The following SAMD3 variants were observed in gnomAD, a reference collection of about 807,000 sequenced individuals.
SAMD3 encodes sterile alpha motif domain containing 3, also known as sterile alpha motif domain-containing protein 3.
Under a neutral mutation model 58.5 loss-of-function variants are expected in SAMD3, and 63 were observed. The observed-to-expected ratio is 1.08, with a 90% CI of 0.88 to 1.33. SAMD3 has a LOEUF of 1.33. Among genes scored for constraint, SAMD3 ranks in the 40% most tolerant of loss-of-function variants. SAMD3 has a pLI of 0.00. For synonymous variants in SAMD3, 220 were observed against 210.3 expected (o/e 1.05, Z -0.40); for missense variants, 604 against 608.4 (o/e 0.99, Z 0.08).
chr6:130,148,077 A>G (rs1219121384), intron 9 of SAMD3, among the ~76,000 whole-genome samples: 2 of 152,178 alleles, frequency 1.3e-5, no homozygotes, highest in African/African-American at 2.4e-5. Context: ...GTTTATGTCA[A>G]TATCTTGTTC....
At chr6:130,241,685 C>T (rs982090540) in intron 2 of SAMD3, among the ~76,000 whole-genome samples, 5 of 151,862 alleles carry the variant, frequency 3.3e-5, no homozygotes, top group African/African-American at 7.3e-5. Context: ...CTAATATGAA[C>T]ACAACTTTGA....
At chr6:130,238,817 G>C (rs1243648139) in intron 2 of SAMD3, among the ~76,000 whole-genome samples, 3 of 152,152 alleles carry the variant, frequency 2.0e-5, no homozygotes, top group Non-Finnish European at 4.4e-5. Flanking sequence ...GGAGTGTAGT[G>C]GTGCAATCTC....
chr6:130,179,810 CTTTT>C (rs71028199), intron 7 of SAMD3, among the ~76,000 whole-genome samples: 1,597 of 116,212 alleles, frequency 0.014, 34 homozygotes, highest in African/African-American at 0.05. Context: ...TGTCCTTATT[CTTTT>C]TTTTTTTTTT....
chr6:130,230,076 C>G (rs902738710), intron 2 of SAMD3, among the ~76,000 whole-genome samples: 3 of 152,136 alleles, frequency 2.0e-5, no homozygotes, highest in Non-Finnish European at 4.4e-5. Flanking sequence ...ATTTGTGGTG[C>G]AGAACAGGTC....
At chr6:130,259,817 A>C (rs1032357740) in intron 2 of SAMD3, among the ~76,000 whole-genome samples, 5 of 152,226 alleles carry the variant, frequency 3.3e-5, no homozygotes, top group Non-Finnish European at 7.3e-5. Context: ...ACATCTCACA[A>C]AACTTTAGTA....
At chr6:130,355,276 T>C (rs545572848) in intron 1 of SAMD3, among the ~76,000 whole-genome samples, 16 of 151,940 alleles carry the variant, frequency 1.1e-4, no homozygotes, top group Non-Finnish European at 2.2e-4. Context: ...ATACAACAAT[T>C]AGCCGAGCAT....
At chr6:130,318,478 G>A (rs945224977) in intron 1 of SAMD3, among the ~76,000 whole-genome samples, 16 of 152,066 alleles carry the variant, frequency 1.1e-4, no homozygotes, top group African/African-American at 3.1e-4. Context: ...GCCCAGGCTG[G>A]TGTGCAGTGG....
At chr6:130,344,149 C>A (rs982808530) in intron 1 of SAMD3, among the ~76,000 whole-genome samples, 1 of 152,150 alleles carries the variant, frequency 6.6e-6, no homozygotes, top group Non-Finnish European at 1.5e-5. Flanking sequence ...ACGTTCACTG[C>A]AGAAAATTTG....
upstream of SAMD3, among the ~76,000 whole-genome samples, chr6:130,226,815 C>A (rs900230804): frequency 2.0e-5 from 3 of 151,090 alleles, no homozygotes; most frequent in African/African-American, 7.3e-5. Context: ...GCGATAAGAG[C>A]GAAACTCTGT....
intron 1 of SAMD3, among the ~76,000 whole-genome samples, chr6:130,362,334 T>C (rs1778012394): frequency 6.6e-6 from 1 of 152,252 alleles, no homozygotes; most frequent in Non-Finnish European, 1.5e-5. Context: ...TCTCGGACTA[T>C]GCTTTTGAGT....
intron 2 of SAMD3, among the ~76,000 whole-genome samples, chr6:130,276,197 A>G (rs1200986033): frequency 6.6e-6 from 1 of 152,156 alleles, no homozygotes; most frequent in African/African-American, 2.4e-5. Context: ...AAAGTAAGGA[A>G]ACAGATTCTC....
chr6:130,319,534 T>A (rs1289286982), intron 1 of SAMD3, among the ~76,000 whole-genome samples: 1 of 152,158 alleles, frequency 6.6e-6, no homozygotes, highest in East Asian at 1.9e-4. Flanking sequence ...CAGCCTGTAA[T>A]TTTTTATCCA....
At chr6:130,254,660 T>TA (rs1773866195) in intron 2 of SAMD3, among the ~76,000 whole-genome samples, 1 of 151,582 alleles carries the variant, frequency 6.6e-6, no homozygotes, top group Admixed American at 6.6e-5. Flanking sequence ...GCCTGATTTT[T>TA]CCTCCTTATA....
At position 130,228,229 on chromosome 6, in the gene SAMD3, C is replaced by T. The variant is rs6569669; in HGVS notation, c.-187-5416G>A. On this transcript the variant is annotated intron_variant, in intron 2 of 13. Transcript: ENST00000368134. Reference sequence around the variant, plus strand: ...CTCCAGCATCTCAGCACAGTGGTGACCTCCAGTCTGTTGACAGGTTGTGAG... The same window carrying T: ...CTCCAGCATCTCAGCACAGTGGTGATCTCCAGTCTGTTGACAGGTTGTGAG... Among the ~76,000 whole-genome samples, 1,523 of 152,154 alleles carry T rather than the reference C, an allele frequency of 0.01. 115 individuals carry two copies. In the East Asian group the frequency reaches 0.16, roughly 16 times the overall value.
chr6:130,228,188 A>T (rs1218575289), intron 2 of SAMD3, among the ~76,000 whole-genome samples: 1 of 152,218 alleles, frequency 6.6e-6, no homozygotes, highest in African/African-American at 2.4e-5. Flanking sequence ...TGGATATCTT[A>T]ACAAAGAGTT....
In SAMD3 at chr6:130,243,793, A is replaced by G. The variant is rs373815060; in HGVS notation, c.-187-20980T>C. Among the ~76,000 whole-genome samples the G allele has an allele frequency of 2.3e-4, 35 of 152,318 alleles. 1 individual carries two copies. The South Asian group carries it at 7.2e-3, about 32-fold the overall frequency. Reference sequence around the variant, plus strand: ...TGGGAAGAATAGTATCTCTTACGTTACACACACAGACACAAGTGCACAACC... The same window carrying G: ...TGGGAAGAATAGTATCTCTTACGTTGCACACACAGACACAAGTGCACAACC... On this transcript the variant is annotated intron_variant, in intron 2 of 13. Transcript: ENST00000368134.
chr6:130,364,548 G>T (rs1276988444), intron 1 of SAMD3, among the ~76,000 whole-genome samples: 1 of 151,818 alleles, frequency 6.6e-6, no homozygotes, highest in East Asian at 1.9e-4. Flanking sequence ...CCTTTGATAT[G>T]GTGCTTGACA....
intron 8 of SAMD3, chr6:130,161,086 A>C (rs906656322): frequency 3.9e-5 from 6 of 152,174 alleles, no homozygotes; most frequent in Admixed American, 2.0e-4. Context: ...AATAGTGATT[A>C]GTTCTAGAGG....
chr6:130,148,067 G>GT (rs1326130359), intron 9 of SAMD3, among the ~76,000 whole-genome samples: 1 of 152,132 alleles, frequency 6.6e-6, no homozygotes, highest in African/African-American at 2.4e-5. Context: ...GATACCTTGA[G>GT]TTTATGTCAA....
Sources: allele counts gnomAD v4.1 joint callset (sites outside exome capture counted in the v4.1 genomes callset), GRCh38; gene constraint gnomAD v4.1.1; transcripts MANE v1.5; gene names NCBI Gene and HGNC (gene_info 2026-07-23, HGNC 2026-07-21).